MTA1: variants seen among roughly 807,000 people sequenced by gnomAD.
MTA1 encodes metastasis-associated protein MTA1.
A neutral mutation model predicts 97.0 loss-of-function variants in MTA1; 15 were observed. That is an observed-to-expected ratio of 0.15 (90% CI 0.10 to 0.24). The LOEUF is 0.24. MTA1 is among the 10% of genes least tolerant of loss of function. The pLI, the probability that MTA1 is intolerant of heterozygous loss-of-function variation, is 1.00. For missense variants in MTA1, 709 were observed against 1,015.1 expected, an observed-to-expected ratio of 0.70 and a Z score of 4.10; for synonymous variants, 435 against 417.5, an observed-to-expected ratio of 1.04 and a Z score of -0.51.
At chr14:105,459,904 T>C (rs7154013) in intron 8 of MTA1, among the ~76,000 whole-genome samples, 1,319 of 8,270 alleles carry the variant, frequency 0.16, 262 homozygotes, top group Middle Eastern at 1. Context: ...GGGGAGTCCG[T>C]GCTGCCCGTG....
chr14:105,463,333 G>A lies in MTA1; in HGVS notation c.1017+75G>A, dbSNP rs1555431502. On this transcript the variant is annotated intron_variant, in intron 11 of 20. Transcript: ENST00000331320. This position sits in a 1 kb window ranked among gnomAD's most constrained non-coding sequence, Gnocchi z 5.9. ...GCGCCCCATCCTCTCCCAGCAGGTGGGCGTGCACTGCTGCAGCAGGAGGGG... is the reference window on the plus strand; with the variant it reads ...GCGCCCCATCCTCTCCCAGCAGGTGAGCGTGCACTGCTGCAGCAGGAGGGG... 6.5e-7 allele frequency: 1 copy of A among 1,550,096 alleles called. No individual in the cohort carries two copies. The highest frequency in any genetic ancestry group is 8.9e-7 in the Non-Finnish European group (1 of 1,125,468).
chr14:105,420,064 G>C lies in MTA1; in HGVS notation c.28+1G>C. 1 of 1,085,420 alleles carries C rather than the reference G, an allele frequency of 9.2e-7. No individual in the cohort carries two copies. Among genetic ancestry groups the C allele is most frequent in the South Asian group, 2.8e-5 (1 of 35,898 alleles). 67.2% of individuals were successfully genotyped at this position (1,085,420 alleles called of 1,614,324 possible). A position where few individuals can be genotyped will look rare whatever the true frequency, so the allele number is the denominator to read the frequency against. On this transcript the variant is annotated splice_donor_variant, in intron 1 of 20. Coordinates refer to ENST00000331320, the MANE Select transcript of MTA1 (RefSeq NM_004689.4). LOFTEE classifies it high-confidence loss of function. The surrounding 1 kb of genome is among the most constrained non-coding windows in gnomAD (Gnocchi z 5.3). ...GCCGCCAACATGTACAGGGTCGGAG[G>C]TAAGGCCGCACCGCCTTTATGCCCG...
rs2081954816 is a variant in MTA1 at position 105,424,602 on chromosome 14, T to G, written c.28+4539T>G. 6.6e-6 allele frequency among the ~76,000 whole-genome samples: 1 copy of G among 152,044 alleles called. No individual in the cohort carries two copies. ...CCTCCGCCTCCTGGGTTCTAGTGAT[T>G]TGCCTGCCTCAGCCCCCTGAGTAGC... On this transcript the variant is annotated intron_variant, in intron 1 of 20. Transcript: ENST00000331320. The surrounding 1 kb of genome is among the most constrained non-coding windows in gnomAD (Gnocchi z 4.0).
Position 105,463,965 on chromosome 14 carries a change from C to CT in MTA1, c.1077-66dup. Reference sequence around the variant, plus strand: ...AAGGGGTGGTCAGCCGCGGTGCCTGCTGGGCACATGGGCCCTCGAGGTTTG... The same window carrying CT: ...AAGGGGTGGTCAGCCGCGGTGCCTGCTTGGGCACATGGGCCCTCGAGGTTTG... On this transcript the variant is annotated intron_variant, in intron 12 of 20. Coordinates refer to ENST00000331320, the MANE Select transcript of MTA1 (RefSeq NM_004689.4). The surrounding 1 kb of genome is among the most constrained non-coding windows in gnomAD (Gnocchi z 5.9). 2.6e-6 allele frequency: 4 copies of CT among 1,511,852 alleles called. No homozygotes were observed. The South Asian group carries it at 3.4e-5, about 13-fold the overall frequency. 93.7% of individuals were successfully genotyped at this position (1,511,852 alleles called of 1,614,324 possible).
chr14:105,432,199 T>G (rs757478629), intron 1 of MTA1, among the ~76,000 whole-genome samples: 12 of 152,180 alleles, frequency 7.9e-5, no homozygotes, highest in Non-Finnish European at 1.8e-4. Context: ...CTTGATGAGT[T>G]GGCAGTGGTG....
intron 18 of MTA1, chr14:105,467,317 G>A: frequency 4.6e-6 from 2 of 431,638 alleles, no homozygotes; most frequent in Non-Finnish European, 9.4e-6. Context: ...GCCCGGGTGT[G>A]CAAGTGCTGG....
At chr14:105,436,712 A>G (rs2082335334) in intron 1 of MTA1, among the ~76,000 whole-genome samples, 1 of 152,176 alleles carries the variant, frequency 6.6e-6, no homozygotes, top group Non-Finnish European at 1.5e-5. Context: ...TTCCTCACTT[A>G]AGGGACATTT....
intron 18 of MTA1, 161 bp downstream of exon 18, chr14:105,466,903 TG>T: frequency 1.4e-6 from 1 of 727,230 alleles, no homozygotes; most frequent in Non-Finnish European, 2.2e-6. Flanking sequence ...CCGACATCAC[TG>T]GTCCCTTGGT....
chr14:105,461,612 A>G (rs1165052297), intron 10 of MTA1, among the ~76,000 whole-genome samples: 1 of 152,210 alleles, frequency 6.6e-6, no homozygotes, highest in Non-Finnish European at 1.5e-5. Flanking sequence ...GGTGGCTAGT[A>G]TCTGATGAAA....
At chr14:105,439,459 G>A (rs12147984) in intron 2 of MTA1, among the ~76,000 whole-genome samples, 2 of 152,290 alleles carry the variant, frequency 1.3e-5, no homozygotes, top group Admixed American at 6.5e-5. Flanking sequence ...CCACTGCCTC[G>A]GCACAGCCTC....
In MTA1 at chr14:105,422,987, T is replaced by C. The variant is rs2081893246; in HGVS notation, c.28+2924T>C. ...GGAAGGCTTGAAACCTGCTGTGGGA[T>C]GAGAGGGCCCCAGGGCAACGGCGGG... On this transcript the variant is annotated intron_variant, in intron 1 of 20. Coordinates refer to ENST00000331320, the MANE Select transcript of MTA1 (RefSeq NM_004689.4). This position sits in a 1 kb window ranked among gnomAD's most constrained non-coding sequence, Gnocchi z 4.3. Among the ~76,000 whole-genome samples the C allele has an allele frequency of 6.6e-6, 1 of 152,116 alleles. No individual in the cohort carries two copies. The highest frequency in any genetic ancestry group is 1.5e-5 in the Non-Finnish European group (1 of 68,014).
chr14:105,458,786 G>T (rs587749385), intron 8 of MTA1, among the ~76,000 whole-genome samples: 191 of 152,334 alleles, frequency 1.3e-3, no homozygotes, highest in African/African-American at 4.5e-3. Flanking sequence ...TTCCCTGCCA[G>T]CAGCCTGGGA....
intron 17 of MTA1, 31 bp from the exon 18 acceptor site, chr14:105,466,674 TTC>T (rs1555432973): frequency 6.2e-7 from 1 of 1,604,142 alleles, no homozygotes; most frequent in Non-Finnish European, 8.5e-7. Context: ...TGACGCTGTC[TTC>T]TCTCCCTCTC....
chr14:105,433,247 G>A (rs1444814236), intron 1 of MTA1, among the ~76,000 whole-genome samples: 5 of 152,262 alleles, frequency 3.3e-5, no homozygotes, highest in African/African-American at 9.6e-5. Context: ...CAGGCCTGGC[G>A]TATTTCCAAG....
In MTA1 at chr14:105,466,762, G is replaced by A. The variant is rs782282797; in HGVS notation, c.1813+20G>A. The A allele has an allele frequency of 1.9e-6, 3 of 1,563,268 alleles. No homozygotes were observed. The highest frequency in any genetic ancestry group is 8.7e-7 in the Non-Finnish European group (1 of 1,155,508). On this transcript the variant is annotated intron_variant, in intron 18 of 20. Coordinates refer to ENST00000331320, the MANE Select transcript of MTA1 (RefSeq NM_004689.4). ...GTAGGGGTAAGGCCTGGAGCCGCGGGCGGGCGCTGCGCCGGCCCCGCCCGT... is the reference window on the plus strand; with the variant it reads ...GTAGGGGTAAGGCCTGGAGCCGCGGACGGGCGCTGCGCCGGCCCCGCCCGT...
chr14:105,451,083 C>G (rs1340825615), intron 6 of MTA1, among the ~76,000 whole-genome samples: 1 of 152,312 alleles, frequency 6.6e-6, no homozygotes, highest in East Asian at 1.9e-4. Context: ...GTCTTGTGAC[C>G]TGAACACCCC....
At chr14:105,441,191 C>G (rs2082498829) in intron 2 of MTA1, among the ~76,000 whole-genome samples, 1 of 152,220 alleles carries the variant, frequency 6.6e-6, no homozygotes, top group Non-Finnish European at 1.5e-5. Flanking sequence ...GGCACCAGAC[C>G]CAGGCCAGCA....
chr14:105,442,386 C>T (rs933487520), intron 2 of MTA1, among the ~76,000 whole-genome samples: 1 of 152,214 alleles, frequency 6.6e-6, no homozygotes, highest in Admixed American at 6.5e-5. Context: ...GAAGATGCGG[C>T]CCCTGGTGCA....
At position 105,450,775 on chromosome 14, in the gene MTA1, G is replaced by A. The variant is rs190736147; in HGVS notation, c.432+451G>A. ...ATCTGGGGGTCACCTGTGATTATACGGTGTTAACCTGCCGTATAGCATCCC... is the reference window on the plus strand; with the variant it reads ...ATCTGGGGGTCACCTGTGATTATACAGTGTTAACCTGCCGTATAGCATCCC... On this transcript the variant is annotated intron_variant, in intron 6 of 20. Coordinates refer to ENST00000331320, the MANE Select transcript of MTA1 (RefSeq NM_004689.4). Among the ~76,000 whole-genome samples the A allele has an allele frequency of 6.6e-5, 10 of 152,300 alleles. No homozygotes were observed. The East Asian group carries it at 1.7e-3, about 26-fold the overall frequency.
Sources: gnomAD v4.1 joint callset for allele counts (sites outside exome capture counted in the v4.1 genomes callset) on GRCh38, gnomAD v4.1.1 for gene constraint, Gnocchi (gnomAD v3.1) non-coding constraint, MANE v1.5 for transcripts, NCBI Gene and HGNC (gene_info 2026-07-23, HGNC 2026-07-21) for gene names.